GARNL3: variants seen among roughly 807,000 people sequenced by gnomAD.
The protein encoded by GARNL3 is GTPase activating Rap/RanGAP domain like 3, also known as GTPase-activating Rap/Ran-GAP domain-like protein 3.
Under a neutral mutation model 125.0 loss-of-function variants are expected in GARNL3, and 63 were observed. That is an observed-to-expected ratio of 0.50 (90% confidence interval 0.41 to 0.62). The LOEUF is 0.62. GARNL3 is among the 20% of genes least tolerant of loss of function. The pLI is 0.00. For synonymous variants in GARNL3, 439 were observed against 457.5 expected (o/e 0.96, Z 0.52); for missense variants, 994 against 1,244.0 (o/e 0.80, Z 3.02).
intron 22 of GARNL3, among the ~76,000 whole-genome samples, chr9:127,375,496 A>G (rs768778725): frequency 6.6e-5 from 10 of 152,040 alleles, no homozygotes; most frequent in Non-Finnish European, 8.8e-5. Context: ...AAAGAAAGAA[A>G]TGAAAGCATA....
chr9:127,335,276 T>C lies in GARNL3; in HGVS notation c.816T>C (p.His272=). ...CAGTTTATACTGTGTACCAAGGGCA[T>C]GAGATCATGTTTCATGTTTCCACCA... ...IHSVYTVYQG[H]EIMFHVSTML... The change falls in exon 10 of 28, where the codon CAT becomes CAC. Residue 272 remains histidine, a synonymous_variant. Coordinates refer to ENST00000373387, the MANE Select transcript of GARNL3 (RefSeq NM_032293.5). 6.2e-7 allele frequency: 1 copy of C among 1,611,562 alleles called. No homozygotes were observed. Among genetic ancestry groups the C allele is most frequent in the Non-Finnish European group, 8.5e-7 (1 of 1,177,648 alleles).
intron 2 of GARNL3, among the ~76,000 whole-genome samples, chr9:127,308,899 G>C (rs931249833): frequency 2.0e-5 from 3 of 152,142 alleles, no homozygotes; most frequent in African/African-American, 7.2e-5. Flanking sequence ...GTGTGTGTTG[G>C]GGGTTGTGAA....
chr9:127,236,133 A>T (rs906413210), intron 1 of GARNL3, among the ~76,000 whole-genome samples: 3 of 152,216 alleles, frequency 2.0e-5, no homozygotes, highest in African/African-American at 7.2e-5. Context: ...CTAGACCTGA[A>T]ATCACAGTGG....
At chr9:127,360,901 G>C (rs78096573) in intron 21 of GARNL3, among the ~76,000 whole-genome samples, 5,092 of 152,288 alleles carry the variant, frequency 0.033, 270 homozygotes, top group African/African-American at 0.12. Flanking sequence ...GAAAGTCACT[G>C]ACAAGTTCAC....
intron 2 of GARNL3, among the ~76,000 whole-genome samples, chr9:127,301,688 G>C (rs972479959): frequency 6.6e-6 from 1 of 152,064 alleles, no homozygotes; most frequent in Non-Finnish European, 1.5e-5. Flanking sequence ...GTGACATCTT[G>C]ATTCTGTCAC....
intron 1 of GARNL3, 83 bp from the exon 2 acceptor site, chr9:127,291,085 A>G: frequency 7.2e-7 from 1 of 1,395,380 alleles, no homozygotes; most frequent in Non-Finnish European, 1.0e-6. Context: ...GTGTCCTTAG[A>G]TGTGGCTTAC....
At chr9:127,349,875 G>A (rs1830334735) in intron 17 of GARNL3, among the ~76,000 whole-genome samples, 1 of 152,206 alleles carries the variant, frequency 6.6e-6, no homozygotes, top group South Asian at 2.1e-4. Flanking sequence ...CATTTTGTGA[G>A]AATCCCAAAG....
intron 22 of GARNL3, among the ~76,000 whole-genome samples, chr9:127,369,378 C>T (rs1831481316): frequency 1.3e-5 from 2 of 152,166 alleles, no homozygotes. Context: ...GTCCAAGGCA[C>T]TCAAGAAAGA....
intron 22 of GARNL3, among the ~76,000 whole-genome samples, chr9:127,378,460 G>A (rs1832054429): frequency 6.6e-6 from 1 of 151,850 alleles, no homozygotes; most frequent in Admixed American, 6.6e-5. Context: ...GGTGGCCCGT[G>A]CCTGTAATCC....
chr9:127,303,034 C>A (rs1319263624), intron 2 of GARNL3, among the ~76,000 whole-genome samples: 1 of 152,054 alleles, frequency 6.6e-6, no homozygotes, highest in Non-Finnish European at 1.5e-5. Flanking sequence ...GCCTGTAGTC[C>A]CAGCTACTCC....
At chr9:127,293,745 G>A (rs1564888679) in intron 2 of GARNL3, among the ~76,000 whole-genome samples, 1 of 152,122 alleles carries the variant, frequency 6.6e-6, no homozygotes, top group Non-Finnish European at 1.5e-5. Context: ...TAGGCTGCCT[G>A]ATTGTGTGCT....
At chr9:127,379,750 A>C (rs1026894705) in intron 22 of GARNL3, among the ~76,000 whole-genome samples, 10 of 152,270 alleles carry the variant, frequency 6.6e-5, no homozygotes, top group Admixed American at 1.3e-4. Context: ...TATGTTCTTG[A>C]AAAATGCATA....
chr9:127,255,637 A>G (rs554613005), intron 2 of GARNL3, among the ~76,000 whole-genome samples: 33 of 152,314 alleles, frequency 2.2e-4, no homozygotes, highest in Middle Eastern at 6.8e-3. Flanking sequence ...TGATAATAAA[A>G]CAAGTTAGAG....
intron 1 of GARNL3, among the ~76,000 whole-genome samples, chr9:127,282,268 A>G (rs888815111): frequency 1.3e-5 from 2 of 152,248 alleles, no homozygotes; most frequent in Non-Finnish European, 2.9e-5. Context: ...AAGAGTTTAA[A>G]TGTAGCATAA....
intron 1 of GARNL3, among the ~76,000 whole-genome samples, chr9:127,271,389 G>C (rs1260794329): frequency 6.7e-6 from 1 of 150,294 alleles, no homozygotes; most frequent in Non-Finnish European, 1.5e-5. Flanking sequence ...ATCCCATTTG[G>C]TTGAAATTAG....
At chr9:127,344,376 T>C (rs1830025667) in intron 15 of GARNL3, 37 bp downstream of exon 15, 6 of 1,373,464 alleles carry the variant, frequency 4.4e-6, no homozygotes, top group Non-Finnish European at 6.2e-6. Flanking sequence ...GCGAGACATG[T>C]AGTTTTGAGT....
intron 22 of GARNL3, among the ~76,000 whole-genome samples, chr9:127,380,139 G>A (rs1832164719): frequency 6.6e-6 from 1 of 151,844 alleles, no homozygotes; most frequent in Non-Finnish European, 1.5e-5. Context: ...GTTGCAGTGA[G>A]CCAAAATCGC....
In GARNL3 at chr9:127,264,896, A is replaced by T; in HGVS notation, c.19A>T (p.Arg7Ter). Residue 7 changes from arginine (R) to a stop codon, truncating the protein, a stop_gained, in exon 1 of 28, where the codon AGA (arginine) becomes TGA (stop). Coordinates refer to ENST00000373387, the MANE Select transcript of GARNL3 (RefSeq NM_032293.5). LOFTEE classifies it high-confidence loss of function. ...TTTGCAAATGGTAGTTGATTTTTGC[A>T]GAAGGTTTGTGGCCAGATCGCTATG... MVVDFC[R>*]RFVARSLCII... 1.3e-6 allele frequency: 2 copies of T among 1,584,080 alleles called. No individual in the cohort carries two copies. The highest frequency in any genetic ancestry group is 1.7e-6 in the Non-Finnish European group (2 of 1,162,332).
At chr9:127,378,605 A>C (rs923957056) in intron 22 of GARNL3, among the ~76,000 whole-genome samples, 4 of 141,466 alleles carry the variant, frequency 2.8e-5, no homozygotes, top group South Asian at 2.3e-4. Context: ...AAAAAAAAAA[A>C]CAGATAAAGG....
Sources: gnomAD v4.1 joint callset for allele counts (sites outside exome capture counted in the v4.1 genomes callset) on GRCh38, gnomAD v4.1.1 for gene constraint, MANE v1.5 for transcripts, NCBI Gene and HGNC (gene_info 2026-07-23, HGNC 2026-07-21) for gene names.